EPM2A: variants seen among roughly 807,000 people sequenced by gnomAD.
EPM2A encodes laforin.
In EPM2A, 21 loss-of-function variants were observed where a neutral mutation model predicts 26.5. The ratio of observed to expected loss-of-function variants is 0.79; its 90% CI spans 0.56 to 1.14. EPM2A has a LOEUF of 1.14. EPM2A is among the 50% of genes most tolerant of loss of function. The pLI is 0.00. For missense variants in EPM2A, 458 were observed against 440.8 expected, an observed-to-expected ratio of 1.04 and a Z score of -0.35; for synonymous variants, 217 against 177.6, an observed-to-expected ratio of 1.22 and a Z score of -1.76.
At chr6:145,679,560 A>G (rs1780343847) in intron 2 of EPM2A, among the ~76,000 whole-genome samples, 1 of 152,084 alleles carries the variant, frequency 6.6e-6, no homozygotes, top group African/African-American at 2.4e-5. Context: ...ATTATCAAAG[A>G]AATAATTGAA....
At chr6:145,684,194 A>C (rs1458234602) in intron 2 of EPM2A, among the ~76,000 whole-genome samples, 1 of 152,144 alleles carries the variant, frequency 6.6e-6, no homozygotes, top group Non-Finnish European at 1.5e-5. Context: ...TTGGAAAAAA[A>C]GAAGCCTCTC....
chr6:145,453,802 G>A (rs547129459), intron 4 of EPM2A, among the ~76,000 whole-genome samples: 4 of 152,298 alleles, frequency 2.6e-5, no homozygotes, highest in Admixed American at 6.5e-5. Flanking sequence ...ATGTGTCACT[G>A]TTGCTTATGC....
At chr6:145,565,536 C>T (rs1290608419) in intron 2 of EPM2A, among the ~76,000 whole-genome samples, 1 of 152,190 alleles carries the variant, frequency 6.6e-6, no homozygotes, top group Admixed American at 6.5e-5. Context: ...AGCACCAGAC[C>T]ATCTGCCAAC....
intron 4 of EPM2A, among the ~76,000 whole-genome samples, chr6:145,482,979 T>C (rs544140176): frequency 6.6e-6 from 1 of 152,182 alleles, no homozygotes; most frequent in African/African-American, 2.4e-5. Context: ...TAAAACTGTT[T>C]GTTGTCTTGA....
At chr6:145,674,543 A>C (rs1033681214) in intron 2 of EPM2A, among the ~76,000 whole-genome samples, 1 of 152,172 alleles carries the variant, frequency 6.6e-6, no homozygotes, top group Non-Finnish European at 1.5e-5. Flanking sequence ...AAAACCTTGA[A>C]AAAAGGTTAG....
intron 2 of EPM2A, among the ~76,000 whole-genome samples, chr6:145,653,787 ACT>A (rs1261089136): frequency 6.6e-6 from 1 of 152,134 alleles, no homozygotes; most frequent in Non-Finnish European, 1.5e-5. Context: ...AGTGAAGCCC[ACT>A]CACATTATGG....
chr6:145,613,005 T>C lies in EPM2A; in HGVS notation c.340+22240A>G, dbSNP rs1313089220. Among the ~76,000 whole-genome samples, 7 of 152,090 alleles carry C rather than the reference T, an allele frequency of 4.6e-5. No individual in the cohort carries two copies. The East Asian group carries it at 1.3e-3, about 29-fold the overall frequency. On this transcript the variant is annotated intron_variant, in intron 2 of 3. Transcript: ENST00000450221. ...CCATATCCATTGACTCTTCCTTTCA[T>C]GAAATATTTCTTTGTAGCATGTGAT...
chr6:145,414,136 T>C (rs950756), intron 4 of EPM2A, among the ~76,000 whole-genome samples: 18,175 of 152,080 alleles, frequency 0.12, 1,153 homozygotes, highest in South Asian at 0.24. Context: ...GTACTCCAGA[T>C]CAACTCCTTC....
intron 4 of EPM2A, among the ~76,000 whole-genome samples, chr6:145,486,056 C>T (rs1779667181): frequency 6.6e-6 from 1 of 152,150 alleles, no homozygotes. Context: ...AAACCAAAGC[C>T]AAGAAATTTC....
chr6:145,468,110 T>C (rs1396561245), intron 4 of EPM2A, among the ~76,000 whole-genome samples: 1 of 152,058 alleles, frequency 6.6e-6, no homozygotes, highest in Non-Finnish European at 1.5e-5. Context: ...TTTATGAAAT[T>C]TTGAATAGGA....
chr6:145,715,659 T>C (rs1775576672), intron 1 of EPM2A, among the ~76,000 whole-genome samples: 1 of 152,138 alleles, frequency 6.6e-6, no homozygotes, highest in South Asian at 2.1e-4. Flanking sequence ...CGGGGTGAAC[T>C]CTGCGTCCTG....
chr6:145,613,466 G>A (rs1042434467), intron 2 of EPM2A, among the ~76,000 whole-genome samples: 1 of 152,094 alleles, frequency 6.6e-6, no homozygotes, highest in Non-Finnish European at 1.5e-5. Flanking sequence ...CATCTAGGAT[G>A]ATGAATCTTT....
intron 2 of EPM2A, among the ~76,000 whole-genome samples, chr6:145,583,567 C>T (rs76788256): frequency 3.9e-5 from 6 of 152,338 alleles, no homozygotes; most frequent in African/African-American, 1.4e-4. Context: ...CTAGCCCCAA[C>T]ATTCCAATGG....
At chr6:145,592,375 T>G (rs955869904) in intron 2 of EPM2A, among the ~76,000 whole-genome samples, 1 of 152,094 alleles carries the variant, frequency 6.6e-6, no homozygotes, top group Non-Finnish European at 1.5e-5. Flanking sequence ...ATTCCATGGT[T>G]TATATGTGCC....
chr6:145,509,152 T>C (rs962462242), intron 2 of EPM2A, among the ~76,000 whole-genome samples: 2 of 152,170 alleles, frequency 1.3e-5, no homozygotes, highest in Admixed American at 6.5e-5. Flanking sequence ...AGTAAGCAAC[T>C]TGGAAAACAT....
chr6:145,674,847 T>C (rs933047346), intron 2 of EPM2A, among the ~76,000 whole-genome samples: 6 of 151,658 alleles, frequency 4.0e-5, no homozygotes, highest in Non-Finnish European at 7.4e-5. Context: ...TGGAACCAAG[T>C]TGGAAAACAC....
intron 2 of EPM2A, among the ~76,000 whole-genome samples, chr6:145,526,629 G>A (rs375220899): frequency 5.3e-5 from 8 of 151,826 alleles, no homozygotes; most frequent in Non-Finnish European, 8.8e-5. Flanking sequence ...CTATGGGATC[G>A]GTTGTAATGT....
chr6:145,571,760 T>C (rs1180629180), intron 2 of EPM2A, among the ~76,000 whole-genome samples: 1 of 152,174 alleles, frequency 6.6e-6, no homozygotes, highest in Admixed American at 6.5e-5. Flanking sequence ...ATTACCTCCA[T>C]CCATGCCACC....
chr6:145,634,621 T>C (rs1396808576), intron 3 of EPM2A: 1 of 152,840 alleles, frequency 6.5e-6, no homozygotes, highest in Non-Finnish European at 1.5e-5. Context: ...TGCAGGATCA[T>C]CTTTCCTCGT....
Sources: allele counts gnomAD v4.1 joint callset (sites outside exome capture counted in the v4.1 genomes callset), GRCh38; gene constraint gnomAD v4.1.1; transcripts MANE v1.5; gene names NCBI Gene and HGNC (gene_info 2026-07-23, HGNC 2026-07-21).